DBP: variants seen among roughly 807,000 people sequenced by gnomAD.
DBP encodes the protein D site-binding protein.
In DBP, 12 loss-of-function variants were observed where a neutral mutation model predicts 21.4. The ratio of observed to expected loss-of-function variants is 0.56; its 90% CI spans 0.36 to 0.91. The LOEUF is 0.91. Ranked by LOEUF, DBP falls within the 40% of genes least tolerant of loss-of-function variation. The pLI is 0.01. For missense variants in DBP, 423 were observed against 473.4 expected (o/e 0.89, Z 0.99); for synonymous variants, 213 against 224.9 (o/e 0.95, Z 0.47).
chr19:48,633,314 G>C, intron 3 of DBP, 130 bp downstream of exon 3: 3 of 969,536 alleles, frequency 3.1e-6, no homozygotes, highest in Non-Finnish European at 4.9e-6. Flanking sequence ...ACTAATCTGT[G>C]GCTGCAGGCC....
chr19:48,634,674 G>T (rs1377705937), intron 2 of DBP: 1 of 984,974 alleles, frequency 1.0e-6, no homozygotes, highest in African/African-American at 1.7e-5. Flanking sequence ...TGCGCGAAGC[G>T]CGGAGGAGGG....
At position 48,636,945 on chromosome 19, in the gene DBP, C is replaced by A; in HGVS notation, c.50G>T (p.Gly17Val). 6.4e-7 allele frequency: 1 copy of A among 1,565,864 alleles called. No individual in the cohort carries two copies. The change falls in exon 1 of 4, where the codon GGC (glycine) becomes GTC (valine). Residue 17 changes from glycine (G) to valine (V), a missense_variant. Coordinates refer to ENST00000222122, the MANE Select transcript of DBP (RefSeq NM_001352.5). ...CCCGCCAGGGGGTGTCCCGGCCGGGCCGCCCAGCAGCAGAGGGGCCGGGGT... is the reference window on the plus strand; with the variant it reads ...CCCGCCAGGGGGTGTCCCGGCCGGGACGCCCAGCAGCAGAGGGGCCGGGGT... ...DRTPAPLLLG[G>V]PAGTPPGGGA...
intron 1 of DBP, 115 bp downstream of exon 1, chr19:48,636,741 A>C: frequency 7.8e-7 from 1 of 1,278,296 alleles, no homozygotes; most frequent in Non-Finnish European, 1.1e-6. Context: ...GAGTAGATTA[A>C]GGTTGGGAAG....
At chr19:48,634,675 C>T in intron 2 of DBP, 1 of 985,192 alleles carries the variant, frequency 1.0e-6, no homozygotes, top group South Asian at 4.7e-5. Context: ...GCGCGAAGCG[C>T]GGAGGAGGGA....
chr19:48,632,806 G>C (rs2030646643), intron 3 of DBP: 1 of 158,434 alleles, frequency 6.3e-6, no homozygotes, highest in Admixed American at 6.1e-5. Context: ...CACTCCAAAG[G>C]AAGTCCCACA....
chr19:48,636,334 A>T (rs543214935), intron 1 of DBP, among the ~76,000 whole-genome samples: 1 of 152,188 alleles, frequency 6.6e-6, no homozygotes, highest in African/African-American at 2.4e-5. Flanking sequence ...GGCAGGTGAG[A>T]GAAAAAATGA....
intron 2 of DBP, 144 bp downstream of exon 2, chr19:48,635,436 C>T: frequency 6.8e-7 from 1 of 1,476,978 alleles, no homozygotes. Context: ...AATCTGGCCC[C>T]CTCCCACGAC....
rs981195309 is a variant in DBP, at chr19:48,635,869, C to A, written c.261G>T (p.Pro87=). 7.1e-6 allele frequency: 10 copies of A among 1,399,212 alleles called. No homozygotes were observed. Among genetic ancestry groups the A allele is most frequent in the Non-Finnish European group, 9.2e-6 (10 of 1,088,448 alleles). The allele number at this position is 1,399,212 out of a possible 1,614,324, so 86.7% of individuals were successfully genotyped here. ...PAGAVVGGGS[P]RGRPGPVPAP... is the part of the protein sequence containing the mutation. ...CGGGCACCGGCCCCGGGCGCCCCCG[C>A]GGGGACCCTCCGCCCACCACTGCCC... is the stretch of plus-strand genomic sequence containing the variant. Residue 87 remains proline, a synonymous_variant, in exon 2 of 4, where the codon CCG becomes CCT. Coordinates refer to ENST00000222122, the MANE Select transcript of DBP (RefSeq NM_001352.5).
In DBP at chr19:48,636,917, T is replaced by G. The variant is rs753181059; in HGVS notation, c.78A>C (p.Gly26=). The G allele has an allele frequency of 1.3e-6, 2 of 1,595,216 alleles. No homozygotes were observed. The highest frequency in any genetic ancestry group is 1.7e-6 in the Non-Finnish European group (2 of 1,172,150). The change falls in exon 1 of 4, where the codon GGA becomes GGC. Residue 26 remains glycine, a synonymous_variant. Coordinates refer to ENST00000222122, the MANE Select transcript of DBP (RefSeq NM_001352.5). ...GAAGGCTCCGCAACCCAAGCAGCGC[T>G]CCCCCGCCAGGGGGTGTCCCGGCCG... ...GGPAGTPPGG[G]ALLGLRSLLQ...
rs1382477345 is a variant in DBP at position 48,636,859 on chromosome 19, T to C, written c.136A>G (p.Ser46Gly). ...TGAGATGGGGGTTAGAACTCACAGC[T>C]GGCCGGCTCTTTGGGCTTGCTGGTC... ...QGTSKPKEPA[S>G]CLLKEKERKA... Residue 46 changes from serine to glycine, a missense_variant, in exon 1 of 4, where the codon AGC becomes GGC. Around this residue, in one of 4 missense-constraint regions of DBP, gnomAD observed 283 missense variants for 273.7 expected, o/e 1.03. Transcript: ENST00000222122. The C allele has an allele frequency of 2.5e-6, 4 of 1,610,840 alleles. No individual in the cohort carries two copies. Among genetic ancestry groups the C allele is most frequent in the Non-Finnish European group, 3.4e-6 (4 of 1,178,950 alleles).
chr19:48,632,789 A>G, intron 3 of DBP: 1 of 154,782 alleles, frequency 6.5e-6, no homozygotes, highest in Non-Finnish European at 1.4e-5. Flanking sequence ...TCCTAGCCAA[A>G]TGCAATCACT....
chr19:48,633,024 C>A, intron 3 of DBP: 1 of 321,522 alleles, frequency 3.1e-6, no homozygotes, highest in African/African-American at 2.1e-5. Context: ...GACAAGGTCT[C>A]CCTCTGTTGC....
Position 48,633,660 on chromosome 19 carries a change from G to A in DBP, c.551-5C>T, listed in dbSNP as rs1319670435. Reference sequence around the variant, plus strand: ...GTGTGTCCCGAGAGGTCAGGCCTTGGGGAAACAGCACGTGTCAGCTGAGTG... The same window carrying A: ...GTGTGTCCCGAGAGGTCAGGCCTTGAGGAAACAGCACGTGTCAGCTGAGTG... On this transcript the variant is annotated splice_polypyrimidine_tract_variant and splice_region_variant and intron_variant, in intron 2 of 3. Coordinates refer to ENST00000222122, the MANE Select transcript of DBP (RefSeq NM_001352.5). The A allele has an allele frequency of 6.2e-7, 1 of 1,613,320 alleles. No homozygotes were observed. Among genetic ancestry groups the A allele is most frequent in the Admixed American group, 1.7e-5 (1 of 60,016 alleles).
Position 48,636,998 on chromosome 19 carries a change from C to T in DBP, c.-4G>A, listed in dbSNP as rs557745939. The T allele has an allele frequency of 2.6e-5, 39 of 1,489,466 alleles. 1 individual carries two copies. In the South Asian group the frequency reaches 2.9e-4, roughly 11 times the overall value. 92.3% of individuals were successfully genotyped at this position (1,489,466 alleles called of 1,614,324 possible). ...TGTCGCTCACAGGCCGCGCCATCGC[C>T]TGGCACCTGCCCCCAGGCTCACGGG... On this transcript the variant is annotated 5_prime_UTR_variant, in exon 1 of 4. Transcript: ENST00000222122.
rs1179757694 is a variant in DBP at position 48,630,589 on chromosome 19, G to A, written c.*248C>T. 6.5e-7 allele frequency: 1 copy of A among 1,533,344 alleles called. No individual in the cohort carries two copies. The highest frequency in any genetic ancestry group is 8.7e-7 in the Non-Finnish European group (1 of 1,145,470). 95.0% of individuals were successfully genotyped at this position (1,533,344 alleles called of 1,614,324 possible). A position where few individuals can be genotyped will look rare whatever the true frequency, so the allele number is the denominator to read the frequency against. ...GGGTTCTCAAGATTTATTCAGGATC[G>A]TGTTAACGGAGGCGGTGGGAGGATA... On this transcript the variant is annotated 3_prime_UTR_variant, in exon 4 of 4. Coordinates refer to ENST00000222122, the MANE Select transcript of DBP (RefSeq NM_001352.5). The surrounding 1 kb of genome is among the most constrained non-coding windows in gnomAD (Gnocchi z 4.9).
At chr19:48,635,424 C>A (rs1568440232) in intron 2 of DBP, 156 bp downstream of exon 2, 4 of 1,474,150 alleles carry the variant, frequency 2.7e-6, no homozygotes, top group Non-Finnish European at 3.6e-6. Context: ...TAAGAGACAC[C>A]GAATCTGGCC....
At chr19:48,634,673 C>G in intron 2 of DBP, 4 of 985,128 alleles carry the variant, frequency 4.1e-6, no homozygotes, top group Non-Finnish European at 4.8e-6. Context: ...CTGCGCGAAG[C>G]GCGGAGGAGG....
Position 48,630,835 on chromosome 19 carries a change from C to T in DBP, c.*2G>A. On this transcript the variant is annotated 3_prime_UTR_variant, in exon 4 of 4. Coordinates refer to ENST00000222122, the MANE Select transcript of DBP (RefSeq NM_001352.5). The surrounding 1 kb of genome is among the most constrained non-coding windows in gnomAD (Gnocchi z 4.9). ...TCCGCCAGGTGGGGATGTGGGGCAG[C>T]CTCACAGGGCCCCGTGCTGGGCCTG... 3 of 1,583,196 alleles carry T rather than the reference C, an allele frequency of 1.9e-6. No homozygotes were observed. The highest frequency in any genetic ancestry group is 2.6e-6 in the Non-Finnish European group (3 of 1,163,040).
chr19:48,633,157 G>A (rs566699357), intron 3 of DBP: 1 of 591,794 alleles, frequency 1.7e-6, no homozygotes, highest in East Asian at 2.8e-5. Context: ...ATGTTGCCCA[G>A]GCTGGTCTTG....
Sources: gnomAD v4.1 joint callset for allele counts (sites outside exome capture counted in the v4.1 genomes callset) on GRCh38, gnomAD v4.1.1 for gene constraint, gnomAD v4.1.1 regional missense constraint, Gnocchi (gnomAD v3.1) non-coding constraint, MANE v1.5 for transcripts, NCBI Gene and HGNC (gene_info 2026-07-23, HGNC 2026-07-21) for gene names.